TRAF3: variants seen among roughly 807,000 people sequenced by gnomAD.
TRAF3 encodes TNF receptor associated factor 3.
A neutral mutation model predicts 62.3 loss-of-function variants in TRAF3; 13 were observed. The ratio of observed to expected loss-of-function variants is 0.21; its 90% CI spans 0.14 to 0.33. The LOEUF is 0.33. TRAF3 is among the 10% of genes least tolerant of loss of function. The pLI is 1.00. For missense variants in TRAF3, 440 were observed against 741.8 expected (o/e 0.59, Z 4.73); for synonymous variants, 269 against 283.4 (o/e 0.95, Z 0.51).
chr14:102,778,138 G>T (rs1458644682), intron 1 of TRAF3, among the ~76,000 whole-genome samples: 1 of 150,924 alleles, frequency 6.6e-6, no homozygotes, highest in South Asian at 2.1e-4. Context: ...TGGAAAGTTG[G>T]TCCTGAGTCA....
rs1279540975 is a variant in TRAF3, at chr14:102,786,987, G to T, written c.-157+9312G>T. Among the ~76,000 whole-genome samples the T allele has an allele frequency of 3.3e-5, 5 of 152,178 alleles. No individual in the cohort carries two copies. In the East Asian group the frequency reaches 9.6e-4, roughly 29 times the overall value. ...TCCGCACTTTAGCCTGGGTGACTCA[G>T]TGAGATCCTGTCTCAAAACAAGAAC... On this transcript the variant is annotated intron_variant, in intron 1 of 11. Coordinates refer to ENST00000392745, the MANE Select transcript of TRAF3 (RefSeq NM_145725.3).
At position 102,858,256 on chromosome 14, in the gene TRAF3, A is replaced by G. The variant is rs191068146; in HGVS notation, c.-17-11929A>G. ...AACCTCTGCCTCCTAGGTTTAAGCG[A>G]TTCTCCTGCCTCAGCCTCCTGAGTA... On this transcript the variant is annotated intron_variant, in intron 2 of 11. Coordinates refer to ENST00000392745, the MANE Select transcript of TRAF3 (RefSeq NM_145725.3). 5.3e-3 allele frequency among the ~76,000 whole-genome samples: 809 copies of G among 151,520 alleles called. 10 individuals carry two copies. Among genetic ancestry groups the G allele is most frequent in the African/African-American group, 0.019 (792 of 41,200 alleles).
At chr14:102,802,921 G>C (rs1898531366) in intron 1 of TRAF3, among the ~76,000 whole-genome samples, 1 of 152,184 alleles carries the variant, frequency 6.6e-6, no homozygotes, top group African/African-American at 2.4e-5. Flanking sequence ...GAGGCCTCAG[G>C]AAACTTACAA....
chr14:102,824,943 A>G (rs1375027799), intron 1 of TRAF3, among the ~76,000 whole-genome samples: 1 of 152,234 alleles, frequency 6.6e-6, no homozygotes, highest in East Asian at 1.9e-4. Flanking sequence ...GTGAATTGTG[A>G]GTAGACACGA....
chr14:102,905,975 A>G lies in TRAF3; in HGVS notation c.*191A>G. 1 of 521,550 alleles carries G rather than the reference A, an allele frequency of 1.9e-6. No homozygotes were observed. Among genetic ancestry groups the G allele is most frequent in the East Asian group, 2.9e-5 (1 of 34,026 alleles). The allele number at this position is 521,550 out of a possible 1,614,324, so 32.3% of individuals were successfully genotyped here. On this transcript the variant is annotated 3_prime_UTR_variant, in exon 12 of 12. Coordinates refer to ENST00000392745, the MANE Select transcript of TRAF3 (RefSeq NM_145725.3). The stretch of plus-strand genomic sequence containing the variant: ...ACACGTTTTATAATAGACTAGCCAC[A>G]CTTCACTCTGAAGAATTATTTATCC...
chr14:102,818,380 T>G (rs1899670737), intron 1 of TRAF3, among the ~76,000 whole-genome samples: 1 of 152,248 alleles, frequency 6.6e-6, no homozygotes, highest in African/African-American at 2.4e-5. Context: ...TAGAAAGCTC[T>G]GTGAAGTTTG....
intron 1 of TRAF3, among the ~76,000 whole-genome samples, chr14:102,813,195 G>C (rs1256673069): frequency 4.7e-5 from 2 of 42,202 alleles, no homozygotes; most frequent in Non-Finnish European, 2.4e-4. Context: ...GGCTGGTCTC[G>C]AACTCCTGAC....
intron 6 of TRAF3, among the ~76,000 whole-genome samples, chr14:102,877,910 C>T (rs1197193704): frequency 1.3e-5 from 2 of 152,228 alleles, no homozygotes; most frequent in Non-Finnish European, 2.9e-5. Context: ...CACAGGCCTT[C>T]TGCTCAATTA....
chr14:102,834,048 T>G (rs1885817109), intron 2 of TRAF3, among the ~76,000 whole-genome samples: 1 of 151,956 alleles, frequency 6.6e-6, no homozygotes, highest in African/African-American at 2.4e-5. Context: ...ACAGACTCTC[T>G]GCTATTCCTA....
chr14:102,900,273 C>A (rs189101786), intron 10 of TRAF3, among the ~76,000 whole-genome samples: 1 of 150,264 alleles, frequency 6.7e-6, no homozygotes, highest in Middle Eastern at 3.2e-3. Flanking sequence ...AAGGCCGAGG[C>A]GGGTGGATCA....
intron 1 of TRAF3, among the ~76,000 whole-genome samples, chr14:102,822,930 C>T (rs1302029605): frequency 6.6e-6 from 1 of 151,232 alleles, no homozygotes; most frequent in Non-Finnish European, 1.5e-5. Context: ...TGCTTGAACC[C>T]GGGAGGCAGA....
rs143109894 is a variant in TRAF3 at position 102,861,588 on chromosome 14, G to A, written c.-17-8597G>A. Among the ~76,000 whole-genome samples the A allele has an allele frequency of 3.9e-3, 597 of 152,204 alleles. 6 individuals are homozygous for A. Among genetic ancestry groups the A allele is most frequent in the African/African-American group, 0.013 (556 of 41,514 alleles). On this transcript the variant is annotated intron_variant, in intron 2 of 11. Transcript: ENST00000392745. ...GCTGCAGTCTATTTCCTTTGGGTTG[G>A]GAGTCTCCTCAGTATCATCCCTTTG...
chr14:102,849,566 T>G (rs1886916500), intron 2 of TRAF3, among the ~76,000 whole-genome samples: 1 of 152,244 alleles, frequency 6.6e-6, no homozygotes, highest in African/African-American at 2.4e-5. Context: ...ATACTGTGAT[T>G]TAATCAGGTT....
chr14:102,846,235 C>A (rs992782678), intron 2 of TRAF3, among the ~76,000 whole-genome samples: 2 of 152,062 alleles, frequency 1.3e-5, no homozygotes, highest in East Asian at 3.9e-4. Flanking sequence ...CCAGAAAAAT[C>A]TTAAGTCGTG....
At chr14:102,840,064 C>T (rs1886285375) in intron 2 of TRAF3, among the ~76,000 whole-genome samples, 1 of 152,018 alleles carries the variant, frequency 6.6e-6, no homozygotes, top group South Asian at 2.1e-4. Context: ...GTGATTTACG[C>T]CCCCCAACCC....
chr14:102,839,412 G>T (rs1266759907), intron 2 of TRAF3, among the ~76,000 whole-genome samples: 1 of 151,894 alleles, frequency 6.6e-6, no homozygotes. Context: ...TAGAGACGGG[G>T]TTTCACCTTG....
At chr14:102,877,686 C>T (rs1047079318) in intron 6 of TRAF3, among the ~76,000 whole-genome samples, 1 of 149,050 alleles carries the variant, frequency 6.7e-6, no homozygotes, top group African/African-American at 2.5e-5. Context: ...TAATCTGTTC[C>T]ACAGGCCTTC....
intron 1 of TRAF3, among the ~76,000 whole-genome samples, chr14:102,817,814 T>C (rs1899628315): frequency 2.0e-5 from 3 of 152,264 alleles, no homozygotes; most frequent in Non-Finnish European, 4.4e-5. Flanking sequence ...CACTTCATTA[T>C]TGTAGTCTAT....
intron 2 of TRAF3, among the ~76,000 whole-genome samples, chr14:102,833,074 A>G (rs766683769): frequency 2.6e-5 from 4 of 152,140 alleles, no homozygotes; most frequent in Non-Finnish European, 4.4e-5. Flanking sequence ...TCCCTTTGGT[A>G]CTTTTCGTCT....
Sources: gnomAD v4.1 joint callset for allele counts (sites outside exome capture counted in the v4.1 genomes callset) on GRCh38, gnomAD v4.1.1 for gene constraint, MANE v1.5 for transcripts, NCBI Gene and HGNC (gene_info 2026-07-23, HGNC 2026-07-21) for gene names.